The following ADSL variants were observed in gnomAD, a reference collection of about 807,000 sequenced individuals.
ADSL encodes adenylosuccinate lyase.
A neutral mutation model predicts 62.1 loss-of-function variants in ADSL; 44 were observed. That is an observed-to-expected ratio of 0.71 (90% confidence interval 0.56 to 0.91). The LOEUF is 0.91. ADSL is among the 40% of genes least tolerant of loss of function. The pLI, the probability that ADSL is intolerant of heterozygous loss-of-function variation, is 0.00. For missense variants in ADSL, 531 were observed against 627.4 expected (o/e 0.85, Z 1.64); for synonymous variants, 198 against 220.5 (o/e 0.90, Z 0.90).
At chr22:40,356,414 A>G (rs1053143689) in intron 4 of ADSL, among the ~76,000 whole-genome samples, 3 of 151,820 alleles carry the variant, frequency 2.0e-5, no homozygotes, top group Non-Finnish European at 2.9e-5. Flanking sequence ...AGATGCCTGT[A>G]ATCCCAGCTA....
chr22:40,358,098 T>G (rs2044635214), intron 4 of ADSL, among the ~76,000 whole-genome samples: 1 of 152,226 alleles, frequency 6.6e-6, no homozygotes, highest in Non-Finnish European at 1.5e-5. Flanking sequence ...TTGTTTTCTT[T>G]TTTTACTCGT....
chr22:40,361,034 C>T (rs911122216), intron 7 of ADSL: 4 of 594,010 alleles, frequency 6.7e-6, no homozygotes, highest in African/African-American at 5.5e-5. Context: ...TCCATGATGC[C>T]TTAAGCAGTG....
intron 3 of ADSL, chr22:40,353,717 C>T (rs953869648): frequency 7.3e-6 from 2 of 273,482 alleles, no homozygotes; most frequent in Non-Finnish European, 1.4e-5. Flanking sequence ...GCTCCACCTC[C>T]CAGGTTCATG....
chr22:40,360,553 T>C, intron 7 of ADSL, 61 bp downstream of exon 7: 1 of 1,176,866 alleles, frequency 8.5e-7, no homozygotes, highest in South Asian at 1.2e-5. Flanking sequence ...ACAGACTGAA[T>C]TAACCTCAGA....
At chr22:40,381,902 T>G (rs2047637031) in intron 2 of ADSL, among the ~76,000 whole-genome samples, 1 of 152,178 alleles carries the variant, frequency 6.6e-6, no homozygotes, top group Non-Finnish European at 1.5e-5. Context: ...GAAGTTGCAG[T>G]GAGCCAAGAT....
chr22:40,366,515 G>A lies in ADSL; in HGVS notation c.1448G>A (p.Cys483Tyr), dbSNP rs371242331. The A allele has an allele frequency of 6.2e-7, 1 of 1,608,412 alleles. No homozygotes were observed. Among genetic ancestry groups the A allele is most frequent in the Non-Finnish European group, 8.5e-7 (1 of 1,174,882 alleles). The change falls in exon 13 of 13, where the codon TGT becomes TAT. Residue 483 changes from cysteine to tyrosine, a missense_variant. Cys to Tyr is a radical substitution (Grantham distance 194). Around this residue, in one of 2 missense-constraint regions of ADSL, gnomAD observed 471 missense variants for 592.9 expected, o/e 0.79. Coordinates refer to ENST00000623063, the MANE Select transcript of ADSL (RefSeq NM_000026.4). ...GTGATGAAGGTGAAAGCAGAATTAT[G>A]TCTGTAGAGTTGGAAGAGAATTAAA... is the stretch of plus-strand genomic sequence containing the variant. ...ESVMKVKAELCL is the reference protein window; with the variant it reads ...ESVMKVKAELYL
At position 40,364,338 on chromosome 22, in the gene ADSL, C is replaced by T. The variant is rs2044915158; in HGVS notation, c.1164C>T (p.Ala388=). ...TGGCCACAGAGAACATCATCATGGCCATGGTCAAAGCTGGAGGTAGCCGCC... is the reference window on the plus strand; with the variant it reads ...TGGCCACAGAGAACATCATCATGGCTATGGTCAAAGCTGGAGGTAGCCGCC... The part of the protein sequence containing the change: ...PFMATENIIM[A]MVKAGGSRQD... The change falls in exon 11 of 13, where the codon GCC becomes GCT. Residue 388 remains alanine, a synonymous_variant. Coordinates refer to ENST00000623063, the MANE Select transcript of ADSL (RefSeq NM_000026.4). The T allele has an allele frequency of 6.2e-7, 1 of 1,614,078 alleles. No individual in the cohort carries two copies. The highest frequency in any genetic ancestry group is 8.5e-7 in the Non-Finnish European group (1 of 1,180,012).
chr22:40,361,244 G>C, intron 7 of ADSL, 29 bp from the exon 8 acceptor site: 1 of 1,605,464 alleles, frequency 6.2e-7, no homozygotes, highest in Non-Finnish European at 8.5e-7. Flanking sequence ...GACAGTGTGG[G>C]GTGATGCTTA....
At chr22:40,351,529 ACTC>A (rs1222798254) in intron 2 of ADSL, among the ~76,000 whole-genome samples, 1 of 150,386 alleles carries the variant, frequency 6.6e-6, no homozygotes, top group Non-Finnish European at 1.5e-5. Flanking sequence ...ATGGCCTTGA[ACTC>A]CTGTGTTCAA....
At chr22:40,349,312 G>C (rs1389655784) in intron 1 of ADSL, among the ~76,000 whole-genome samples, 1 of 151,834 alleles carries the variant, frequency 6.6e-6, no homozygotes, top group Non-Finnish European at 1.5e-5. Flanking sequence ...ACCAAGCAGA[G>C]GTCTCAGGCA....
At chr22:40,371,396 A>G (rs947943907), downstream of ADSL, among the ~76,000 whole-genome samples, 1 of 152,142 alleles carries the variant, frequency 6.6e-6, no homozygotes, top group African/African-American at 2.4e-5. Flanking sequence ...TGGTGGGTTG[A>G]TGGCTCTTTT....
chr22:40,355,225 C>G (rs947968768), intron 4 of ADSL, among the ~76,000 whole-genome samples: 4 of 152,170 alleles, frequency 2.6e-5, no homozygotes, highest in African/African-American at 4.8e-5. Context: ...TCACTACAAC[C>G]TCTACGTCCT....
intron 11 of ADSL, chr22:40,364,660 G>T (rs776089679): frequency 2.4e-5 from 15 of 634,822 alleles, no homozygotes; most frequent in Non-Finnish European, 4.2e-5. Flanking sequence ...CTTTACAGAA[G>T]AGGGCCAGAG....
rs753085563 is a variant in ADSL at position 40,353,135 on chromosome 22, G to A, written c.402+18G>A. On this transcript the variant is annotated intron_variant, in intron 3 of 12. Transcript: ENST00000623063. ...TGCCAAAGGTAAGGAGTTGGCAGAT[G>A]TTTCCTACCAACCCTAGATTCCCTA... is the stretch of plus-strand genomic sequence containing the variant. The A allele has an allele frequency of 2.5e-6, 4 of 1,606,162 alleles. No individual in the cohort carries two copies. Among genetic ancestry groups the A allele is most frequent in the South Asian group, 1.1e-5 (1 of 90,898 alleles).
rs559040925 is a variant in ADSL at position 40,350,552 on chromosome 22, A to G, written c.357+517A>G. On this transcript the variant is annotated intron_variant, in intron 2 of 12. Coordinates refer to ENST00000623063, the MANE Select transcript of ADSL (RefSeq NM_000026.4). ...AAAATAAGACCTACAGATCCTGCTT[A>G]TGCATTGGTTTGCTGGATGTAAGCC... 3.3e-5 allele frequency among the ~76,000 whole-genome samples: 5 copies of G among 152,316 alleles called. No homozygotes were observed. In the South Asian group the frequency reaches 1.0e-3, roughly 32 times the overall value.
chr22:40,368,412 T>C lies in ADSL; in HGVS notation c.*1890T>C, dbSNP rs944682856. 6.6e-6 allele frequency: 1 copy of C among 151,504 alleles called. No homozygotes were observed. Among genetic ancestry groups the C allele is most frequent in the African/African-American group, 2.4e-5 (1 of 41,206 alleles). The allele number at this position is 151,504 out of a possible 1,614,324, so 9.4% of individuals were successfully genotyped here. A position where few individuals can be genotyped will look rare whatever the true frequency, so the allele number is the denominator to read the frequency against. On this transcript the variant is annotated 3_prime_UTR_variant, in exon 13 of 13. Coordinates refer to ENST00000623063, the MANE Select transcript of ADSL (RefSeq NM_000026.4). ...CCAGCTACTTGGGAAGCTGAGGCGA[T>C]AGGGTCACTTGAGCCCAAGAGTTTA...
chr22:40,379,455 G>C (rs2047203047), intron 2 of ADSL: 1 of 152,160 alleles, frequency 6.6e-6, no homozygotes, highest in African/African-American at 2.4e-5. Flanking sequence ...CTCTTCATAA[G>C]GACCAGAGTC....
intron 2 of ADSL, among the ~76,000 whole-genome samples, chr22:40,377,555 G>A (rs1441176898): frequency 6.6e-6 from 1 of 152,132 alleles, no homozygotes; most frequent in Non-Finnish European, 1.5e-5. Context: ...GTTAAAATAG[G>A]CCTGGTGTCG....
At chr22:40,348,829 T>C in intron 1 of ADSL, 1 of 373,360 alleles carries the variant, frequency 2.7e-6, no homozygotes, top group Non-Finnish European at 4.7e-6. Context: ...TTTAAATCAG[T>C]TTCACCACTG....
Sources: allele counts gnomAD v4.1 joint callset (sites outside exome capture counted in the v4.1 genomes callset), GRCh38; gene constraint gnomAD v4.1.1; regional missense constraint gnomAD v4.1.1; transcripts MANE v1.5; gene names NCBI Gene and HGNC (gene_info 2026-07-23, HGNC 2026-07-21).